Variants in AKAP19 observed in about 807,000 individuals in gnomAD.
The protein encoded by AKAP19 is A-kinase anchoring protein 19.
the AKAP19 span, among the ~76,000 whole-genome samples, chr2:190,004,739 A>T: frequency 6.6e-6 from 1 of 152,224 alleles, no homozygotes; most frequent in East Asian, 1.9e-4. Context: ...GACACATCAT[A>T]GGAGAAAGAG....
chr2:190,087,674 T>G, the AKAP19 span, among the ~76,000 whole-genome samples: 2 of 152,244 alleles, frequency 1.3e-5, no homozygotes, highest in African/African-American at 4.8e-5. Flanking sequence ...TCTCTACTTC[T>G]GTCTGTCTTC....
the AKAP19 span, among the ~76,000 whole-genome samples, chr2:189,955,471 G>T: frequency 6.6e-6 from 1 of 152,050 alleles, no homozygotes; most frequent in African/African-American, 2.4e-5. Context: ...TTTTCTTTGG[G>T]TAGGTACCCA....
At chr2:190,197,436 C>T in the AKAP19 span, among the ~76,000 whole-genome samples, 1 of 152,282 alleles carries the variant, frequency 6.6e-6, no homozygotes, top group East Asian at 1.9e-4. This position sits in a 1 kb window ranked among gnomAD's most constrained non-coding sequence, Gnocchi z 4.0. Context: ...TTTGCAGATC[C>T]TTATCCTGGA....
chr2:189,952,376 T>G, the AKAP19 span, among the ~76,000 whole-genome samples: 2 of 152,194 alleles, frequency 1.3e-5, no homozygotes, highest in Non-Finnish European at 2.9e-5. Context: ...TCACACAGCT[T>G]GAGCTTCCAG....
the AKAP19 span, among the ~76,000 whole-genome samples, chr2:190,032,718 GT>G: frequency 4.8e-4 from 68 of 142,046 alleles, no homozygotes; most frequent in African/African-American, 3.3e-4. Flanking sequence ...TTAGAGTTTT[GT>G]TTTTTTTTTT....
chr2:190,143,821 C>T, the AKAP19 span, among the ~76,000 whole-genome samples: 1 of 149,464 alleles, frequency 6.7e-6, no homozygotes, highest in South Asian at 2.2e-4. Flanking sequence ...CACATATACA[C>T]CATGGAATAC....
chr2:189,960,016 A>C, the AKAP19 span, among the ~76,000 whole-genome samples: 1 of 152,208 alleles, frequency 6.6e-6, no homozygotes, highest in Non-Finnish European at 1.5e-5. Flanking sequence ...GCCTATAGGC[A>C]TCAAAAAGAA....
chr2:189,976,658 A>C, the AKAP19 span, among the ~76,000 whole-genome samples: 1 of 151,980 alleles, frequency 6.6e-6, no homozygotes, highest in Non-Finnish European at 1.5e-5. Flanking sequence ...TTGTTTACCT[A>C]CTCAAGCCTC....
chr2:190,076,285 C>A, the AKAP19 span, among the ~76,000 whole-genome samples: 1 of 152,104 alleles, frequency 6.6e-6, no homozygotes, highest in Non-Finnish European at 1.5e-5. Flanking sequence ...ATTCCTGGCT[C>A]AACTTATTGG....
chr2:189,921,765 T>C, the AKAP19 span, among the ~76,000 whole-genome samples: 13 of 152,334 alleles, frequency 8.5e-5, no homozygotes, highest in African/African-American at 2.9e-4. Context: ...TTGTGTAGTA[T>C]GATCAGCTGG....
the AKAP19 span, among the ~76,000 whole-genome samples, chr2:190,120,722 T>C: frequency 3.9e-5 from 6 of 152,374 alleles, 1 homozygote; most frequent in African/African-American, 1.4e-4. Flanking sequence ...TTTAAAGTTT[T>C]GACAGAATTT....
chr2:190,099,315 G>A, the AKAP19 span, among the ~76,000 whole-genome samples: 3 of 152,274 alleles, frequency 2.0e-5, no homozygotes, highest in East Asian at 1.9e-4. Flanking sequence ...AAAGACCATC[G>A]TAGGGTTATT....
the AKAP19 span, among the ~76,000 whole-genome samples, chr2:189,938,691 A>G: frequency 6.6e-6 from 1 of 152,224 alleles, no homozygotes; most frequent in Non-Finnish European, 1.5e-5. Context: ...TTAATTGTAC[A>G]TTTAAAAATA....
chr2:190,172,979 G>A, the AKAP19 span, among the ~76,000 whole-genome samples: 1 of 152,234 alleles, frequency 6.6e-6, no homozygotes, highest in East Asian at 1.9e-4. Flanking sequence ...GCTGGGTGCA[G>A]TGGTGGGCAC....
At chr2:189,918,352 A>G in the AKAP19 span, among the ~76,000 whole-genome samples, 1 of 152,112 alleles carries the variant, frequency 6.6e-6, no homozygotes, top group Non-Finnish European at 1.5e-5. Context: ...TGGGCCTCCT[A>G]GTACCACACT....
the AKAP19 span, among the ~76,000 whole-genome samples, chr2:189,962,829 T>C: frequency 1.3e-5 from 2 of 152,180 alleles, no homozygotes; most frequent in African/African-American, 4.8e-5. Context: ...ACTTTGTGTA[T>C]TGGATATTTT....
the AKAP19 span, among the ~76,000 whole-genome samples, chr2:190,098,487 T>G: frequency 1.8e-4 from 27 of 152,252 alleles, no homozygotes; most frequent in Non-Finnish European, 3.5e-4. Context: ...GGACTTAAAA[T>G]AGTCAGTAAA....
At chr2:190,095,702 A>G in the AKAP19 span, 1 of 152,218 alleles carries the variant, frequency 6.6e-6, no homozygotes, top group African/African-American at 2.4e-5. Context: ...ATATGGTGGG[A>G]ACTCAGGATT....
chr2:189,918,680 T>C, the AKAP19 span, among the ~76,000 whole-genome samples: 4 of 152,064 alleles, frequency 2.6e-5, no homozygotes, highest in African/African-American at 9.7e-5. Context: ...GAATTGAAAA[T>C]GGTAGTCAAA....
Sources: allele counts gnomAD v4.1 joint callset (sites outside exome capture counted in the v4.1 genomes callset), GRCh38; gene constraint gnomAD v4.1.1; non-coding constraint Gnocchi (gnomAD v3.1); transcripts MANE v1.5; gene names NCBI Gene and HGNC (gene_info 2026-07-23, HGNC 2026-07-21).